The following CHIT1 variants were observed in gnomAD, a reference collection of about 807,000 sequenced individuals.
The protein encoded by CHIT1 is chitotriosidase-1.
CHIT1 carries 47 observed loss-of-function variants against 52.0 expected under a neutral mutation model. The observed-to-expected ratio is 0.90, with a 90% confidence interval of 0.71 to 1.15. The LOEUF is 1.15. Ranked by LOEUF, CHIT1 falls within the 50% of genes most tolerant of loss-of-function variation. The pLI is 0.00. For missense variants in CHIT1, 569 were observed against 583.0 expected (o/e 0.98, Z 0.25); for synonymous variants, 242 against 228.2 (o/e 1.06, Z -0.54).
chr1:203,225,242 TG>T (rs1656885522), intron 3 of CHIT1, 138 bp from the exon 4 acceptor site: 8 of 766,888 alleles, frequency 1.0e-5, no homozygotes, highest in Non-Finnish European at 1.6e-5. Flanking sequence ...TTAGGCATTC[TG>T]GGGACAGCTG....
At position 203,219,831 on chromosome 1, in the gene CHIT1, A is replaced by C; in HGVS notation, c.748T>G (p.Trp250Gly). 1 of 1,612,164 alleles carries C rather than the reference A, an allele frequency of 6.2e-7. No individual in the cohort carries two copies. Among genetic ancestry groups the C allele is most frequent in the East Asian group, 2.2e-5 (1 of 44,876 alleles). ...SLNVDAAVQQ[W>G]LQKGTPASKL... ...CTGGCAGGGGTCCCCTTCTGCAGCC[A>C]CTGTTGCACAGCAGCATCCTGGTGG... Residue 250 changes from tryptophan to glycine, a missense_variant, in exon 8 of 11, where the codon TGG becomes GGG. Trp to Gly is a radical substitution (Grantham distance 184, BLOSUM62 -2). Coordinates refer to ENST00000367229, the MANE Select transcript of CHIT1 (RefSeq NM_003465.3).
chr1:203,227,098 C>T (rs144874290), intron 2 of CHIT1, among the ~76,000 whole-genome samples: 76 of 152,084 alleles, frequency 5.0e-4, no homozygotes, highest in African/African-American at 1.7e-3. Context: ...AGGGATGGGA[C>T]GAGGAAGAGG....
chr1:203,222,449 G>A (rs1246560691), intron 6 of CHIT1, 124 bp from the exon 7 acceptor site: 3 of 1,451,812 alleles, frequency 2.1e-6, no homozygotes, highest in Non-Finnish European at 2.8e-6. Context: ...AGGCAAAGGT[G>A]GCAGGCTCAC....
At chr1:203,225,425 CAGAA>C (rs1468466908) in intron 3 of CHIT1, among the ~76,000 whole-genome samples, 1 of 149,884 alleles carries the variant, frequency 6.7e-6, no homozygotes, top group African/African-American at 2.4e-5. Flanking sequence ...TCATGGGAGA[CAGAA>C]AGAGTCTCAC....
chr1:203,221,221 T>A (rs1313858261), intron 7 of CHIT1, among the ~76,000 whole-genome samples: 3 of 152,240 alleles, frequency 2.0e-5, no homozygotes, highest in Non-Finnish European at 4.4e-5. Flanking sequence ...AATTTAGGGC[T>A]TTTTCTTTGT....
rs977101781 is a variant in CHIT1, at chr1:203,222,433, G to C, written c.606-108C>G. 6 of 1,543,048 alleles carry C rather than the reference G, an allele frequency of 3.9e-6. No homozygotes were observed. The East Asian group carries it at 1.2e-4, about 30-fold the overall frequency. Reference sequence around the variant, plus strand: ...GCATGGCCTAGGGAGGAACCACTGGGGTCAGAGGCAAAGGTGGCAGGCTCA... The same window carrying C: ...GCATGGCCTAGGGAGGAACCACTGGCGTCAGAGGCAAAGGTGGCAGGCTCA... On this transcript the variant is annotated intron_variant, in intron 6 of 10. Transcript: ENST00000367229.
intron 1 of CHIT1, 77 bp downstream of exon 1, chr1:203,229,535 T>C: frequency 6.5e-7 from 1 of 1,544,222 alleles, no homozygotes; most frequent in Non-Finnish European, 8.9e-7. Flanking sequence ...TTGCAAATGG[T>C]AGCAAGTGGT....
Position 203,216,886 on chromosome 1 carries a change from G to T in CHIT1, c.*3C>A. 6.2e-7 allele frequency: 1 copy of T among 1,613,924 alleles called. No homozygotes were observed. Among genetic ancestry groups the T allele is most frequent in the South Asian group, 1.1e-5 (1 of 91,000 alleles). On this transcript the variant is annotated 3_prime_UTR_variant, in exon 11 of 11. Coordinates refer to ENST00000367229, the MANE Select transcript of CHIT1 (RefSeq NM_003465.3). Reference sequence around the variant, plus strand: ...AAGCTGGGACTGGAGGGGCTTTAGCGACTCAATTCCAGGTGCAGCATTTGC... The same window carrying T: ...AAGCTGGGACTGGAGGGGCTTTAGCTACTCAATTCCAGGTGCAGCATTTGC...
intron 4 of CHIT1, among the ~76,000 whole-genome samples, chr1:203,224,148 A>G (rs1274196377): frequency 6.6e-6 from 1 of 152,180 alleles, no homozygotes; most frequent in Non-Finnish European, 1.5e-5. Context: ...GTTTCCTGGC[A>G]GGTTAACCTG....
chr1:203,219,679 C>G lies in CHIT1; in HGVS notation c.900G>C (p.Met300Ile), dbSNP rs748630131. The stretch of plus-strand genomic sequence containing the variant: ...GTTTTCCTACTTCATAGTAGGCCAG[C>G]ATCCCTCCTTCCTTGGTGAAGGGGC... ...TPGPFTKEGG[M>I]LAYYEVCSWK... The change falls in exon 8 of 11, where the codon ATG becomes ATC. Residue 300 changes from methionine (M) to isoleucine (I), a missense_variant. Coordinates refer to ENST00000367229, the MANE Select transcript of CHIT1 (RefSeq NM_003465.3). 2 of 1,614,060 alleles carry G rather than the reference C, an allele frequency of 1.2e-6. No individual in the cohort carries two copies. Among genetic ancestry groups the G allele is most frequent in the Non-Finnish European group, 1.7e-6 (2 of 1,180,028 alleles).
In CHIT1 at chr1:203,228,584, G is replaced by A. The variant is rs142814183; in HGVS notation, c.26-22C>T. ...AAACCTGGAGCAACACAAGAGAGAAGGCCAGGGTTATGCTGCCATTCTCAC... is the reference window on the plus strand; with the variant it reads ...AAACCTGGAGCAACACAAGAGAGAAAGCCAGGGTTATGCTGCCATTCTCAC... On this transcript the variant is annotated intron_variant, in intron 1 of 10. Transcript: ENST00000367229. The A allele has an allele frequency of 3.7e-3, 5,851 of 1,576,552 alleles. 16 individuals carry two copies. The highest frequency in any genetic ancestry group is 0.018 in the Middle Eastern group (110 of 5,956).
intron 9 of CHIT1, 47 bp from the exon 10 acceptor site, chr1:203,217,912 C>T (rs748129910): frequency 1.3e-5 from 20 of 1,582,320 alleles, no homozygotes; most frequent in African/African-American, 8.1e-5. Context: ...AAGCCTGACC[C>T]GGCCACCCCA....
At chr1:203,223,785 G>T in intron 4 of CHIT1, 125 bp from the exon 5 acceptor site, 1 of 987,774 alleles carries the variant, frequency 1.0e-6, no homozygotes, top group Non-Finnish European at 1.6e-6. Context: ...AGGGGCACTG[G>T]GAGGGCTGCT....
chr1:203,229,971 A>G, upstream of CHIT1: 1 of 406,202 alleles, frequency 2.5e-6, no homozygotes, highest in Admixed American at 3.6e-5. Flanking sequence ...GACCATAAGC[A>G]GCCCCAGACT....
chr1:203,222,357 C>T, intron 6 of CHIT1, 32 bp from the exon 7 acceptor site: 1 of 1,614,024 alleles, frequency 6.2e-7, no homozygotes. Flanking sequence ...AGGTGAGAAA[C>T]AAGGGATTGG....
intron 7 of CHIT1, 106 bp downstream of exon 7, chr1:203,222,096 G>T: frequency 1.3e-6 from 2 of 1,494,146 alleles, no homozygotes; most frequent in South Asian, 2.3e-5. Context: ...TTGTTTCTCA[G>T]TGCCCTGTGT....
At chr1:203,221,876 G>A (rs1414968220) in intron 7 of CHIT1, among the ~76,000 whole-genome samples, 1 of 152,150 alleles carries the variant, frequency 6.6e-6, no homozygotes, top group Admixed American at 6.5e-5. Flanking sequence ...GAAGGAAATG[G>A]GGTGGGGGTG....
At chr1:203,220,424 T>C (rs1556854) in intron 7 of CHIT1, among the ~76,000 whole-genome samples, 81,822 of 152,034 alleles carry the variant, frequency 0.54, 22,731 homozygotes, top group East Asian at 0.93. Flanking sequence ...CTCTGTATCC[T>C]CAGTGTCTAG....
intron 9 of CHIT1, chr1:203,218,069 C>T (rs1458454469): frequency 1.3e-6 from 2 of 1,520,670 alleles, no homozygotes; most frequent in South Asian, 2.4e-5. Flanking sequence ...TTTGCAGTCT[C>T]CTTGTCTTAA....
Sources: gnomAD v4.1 joint callset for allele counts (sites outside exome capture counted in the v4.1 genomes callset) on GRCh38, gnomAD v4.1.1 for gene constraint, MANE v1.5 for transcripts, NCBI Gene and HGNC (gene_info 2026-07-23, HGNC 2026-07-21) for gene names.